SLC9A9: variants seen among roughly 807,000 people sequenced by gnomAD.
The protein encoded by SLC9A9 is solute carrier family 9 member A9.
A neutral mutation model predicts 77.8 loss-of-function variants in SLC9A9; 62 were observed. That is an observed-to-expected ratio of 0.80 (90% CI 0.65 to 0.98). The LOEUF (loss-of-function observed/expected upper bound fraction) is 0.98, where lower values mean the gene tolerates loss of function less well. SLC9A9 is among the 50% of genes least tolerant of loss of function. The probability of loss-of-function intolerance (pLI) is 0.00; values close to 1 mark genes in which losing one functional copy is unlikely to be tolerated. For synonymous variants in SLC9A9, 320 were observed against 283.5 expected (o/e 1.13, Z -1.29); for missense variants, 775 against 774.9 (o/e 1.00, Z 0.00).
At chr3:143,345,587 C>T (rs576674503) in intron 14 of SLC9A9, among the ~76,000 whole-genome samples, 4 of 151,988 alleles carry the variant, frequency 2.6e-5, no homozygotes, top group Non-Finnish European at 4.4e-5. Context: ...ATGGGCTGGG[C>T]GCAGTTGAGG....
intron 9 of SLC9A9, among the ~76,000 whole-genome samples, chr3:143,538,727 T>G (rs574928953): frequency 6.6e-6 from 1 of 152,268 alleles, no homozygotes; most frequent in Admixed American, 6.5e-5. Context: ...CATACTATAA[T>G]CAGAGCAACA....
chr3:143,695,894 C>G (rs1933624712), intron 4 of SLC9A9, among the ~76,000 whole-genome samples: 1 of 152,168 alleles, frequency 6.6e-6, no homozygotes, highest in Non-Finnish European at 1.5e-5. Context: ...TTTCATTTCT[C>G]TAATGACCAG....
At chr3:143,544,748 GA>G (rs1186621843) in intron 9 of SLC9A9, among the ~76,000 whole-genome samples, 1 of 152,108 alleles carries the variant, frequency 6.6e-6, no homozygotes, top group East Asian at 1.9e-4. Flanking sequence ...TCCCAAAACT[GA>G]TGTCCAGAAT....
At chr3:143,285,027 A>G (rs1268040169) in intron 14 of SLC9A9, among the ~76,000 whole-genome samples, 1 of 152,138 alleles carries the variant, frequency 6.6e-6, no homozygotes, top group East Asian at 1.9e-4. Context: ...CATCCATACT[A>G]TGGATGAGCT....
intron 14 of SLC9A9, among the ~76,000 whole-genome samples, chr3:143,325,656 C>A (rs1310503160): frequency 6.6e-6 from 1 of 152,206 alleles, no homozygotes; most frequent in Admixed American, 6.5e-5. Context: ...AAGGCCGTGG[C>A]CAGTTCCACA....
chr3:143,343,771 G>T (rs1231911338), intron 14 of SLC9A9, among the ~76,000 whole-genome samples: 1 of 152,144 alleles, frequency 6.6e-6, no homozygotes, highest in African/African-American at 2.4e-5. Flanking sequence ...CATGGTTCTA[G>T]GTCTCAGGAG....
Position 143,574,465 on chromosome 3 carries a change from C to T in SLC9A9, c.895-272G>A, listed in dbSNP as rs1177303197. Among the ~76,000 whole-genome samples the T allele has an allele frequency of 2.6e-5, 4 of 152,192 alleles. No individual in the cohort carries two copies. In the East Asian group the frequency reaches 7.7e-4, roughly 29 times the overall value. The stretch of plus-strand genomic sequence containing the variant: ...TTCCTAAGACTATAAATTCAGCTCA[C>T]TGTGGGCCTAGCCTCATCCCTTGGG... On this transcript the variant is annotated intron_variant, in intron 7 of 15. Transcript: ENST00000316549.
intron 11 of SLC9A9, among the ~76,000 whole-genome samples, chr3:143,490,121 A>G (rs1039495528): frequency 1.3e-5 from 2 of 152,148 alleles, no homozygotes; most frequent in Admixed American, 1.3e-4. Flanking sequence ...CAGCTTCTCA[A>G]AACATTCAAA....
intron 4 of SLC9A9, among the ~76,000 whole-genome samples, chr3:143,704,437 G>A (rs1933898469): frequency 6.6e-6 from 1 of 152,136 alleles, no homozygotes; most frequent in Admixed American, 6.5e-5. Context: ...ATAAATTAAT[G>A]TGACACATAT....
chr3:143,551,952 G>A (rs990708937), intron 9 of SLC9A9, among the ~76,000 whole-genome samples: 5 of 152,172 alleles, frequency 3.3e-5, no homozygotes, highest in African/African-American at 1.2e-4. Context: ...TGGCAGTTGA[G>A]TTTGCTTGGC....
intron 4 of SLC9A9, among the ~76,000 whole-genome samples, chr3:143,720,897 T>C (rs7620070): frequency 0.96 from 146,398 of 152,342 alleles, 70,374 homozygotes; most frequent in East Asian, 1. Flanking sequence ...GTAGTTCAAT[T>C]CTTAAGTATT....
chr3:143,531,554 T>C (rs1234211550), intron 9 of SLC9A9, among the ~76,000 whole-genome samples: 1 of 152,230 alleles, frequency 6.6e-6, no homozygotes, highest in Non-Finnish European at 1.5e-5. Flanking sequence ...GAAGGCAGTC[T>C]ACACAAATCT....
At chr3:143,759,284 A>G (rs540028008) in intron 4 of SLC9A9, among the ~76,000 whole-genome samples, 1 of 152,234 alleles carries the variant, frequency 6.6e-6, no homozygotes, top group Non-Finnish European at 1.5e-5. Context: ...CCCTCCCCAG[A>G]TCAGAGTTGT....
At chr3:143,270,104 A>T (rs1937857194) in intron 14 of SLC9A9, among the ~76,000 whole-genome samples, 1 of 152,186 alleles carries the variant, frequency 6.6e-6, no homozygotes, top group Admixed American at 6.5e-5. Context: ...GACTGGGAAG[A>T]TGTTAGGAGG....
chr3:143,679,804 G>A (rs771799638), intron 5 of SLC9A9, among the ~76,000 whole-genome samples: 2 of 152,036 alleles, frequency 1.3e-5, no homozygotes, highest in Non-Finnish European at 2.9e-5. Flanking sequence ...ACAAAAAACG[G>A]AAGTATTAGA....
chr3:143,724,608 A>G (rs1027924995), intron 4 of SLC9A9, among the ~76,000 whole-genome samples: 10 of 152,352 alleles, frequency 6.6e-5, no homozygotes, highest in Non-Finnish European at 1.5e-4. Flanking sequence ...GCTGGAAAAC[A>G]CCAATTAACA....
intron 14 of SLC9A9, among the ~76,000 whole-genome samples, chr3:143,294,374 T>C (rs1312086604): frequency 3.3e-5 from 5 of 152,220 alleles, no homozygotes; most frequent in Non-Finnish European, 4.4e-5. Flanking sequence ...ACACCTTTAG[T>C]AGGGCAAAGC....
At chr3:143,521,513 T>C (rs2036298273) in intron 9 of SLC9A9, among the ~76,000 whole-genome samples, 1 of 152,174 alleles carries the variant, frequency 6.6e-6, no homozygotes, top group Non-Finnish European at 1.5e-5. Flanking sequence ...TTTAATTCAT[T>C]TACAATTTTG....
At chr3:143,390,540 T>G (rs2033535350) in intron 12 of SLC9A9, among the ~76,000 whole-genome samples, 1 of 152,100 alleles carries the variant, frequency 6.6e-6, no homozygotes. Flanking sequence ...AGAAGACAAG[T>G]GATTTCTGCG....
Sources: allele counts gnomAD v4.1 joint callset (sites outside exome capture counted in the v4.1 genomes callset), GRCh38; gene constraint gnomAD v4.1.1; transcripts MANE v1.5; gene names NCBI Gene and HGNC (gene_info 2026-07-23, HGNC 2026-07-21).